Variants in RUNX2 observed in about 807,000 individuals in gnomAD.
RUNX2 encodes runt-related transcription factor 2.
In RUNX2, 10 loss-of-function variants were observed where a neutral mutation model predicts 51.7. The ratio of observed to expected loss-of-function variants is 0.19; its 90% CI spans 0.12 to 0.33. The LOEUF (loss-of-function observed/expected upper bound fraction) is 0.33, where lower values mean the gene tolerates loss of function less well. RUNX2 is among the 10% of genes least tolerant of loss of function. The pLI is 1.00. For synonymous variants in RUNX2, 276 were observed against 273.6 expected (o/e 1.01, Z -0.09); for missense variants, 562 against 691.3 (o/e 0.81, Z 2.10).
intron 7 of RUNX2, among the ~76,000 whole-genome samples, chr6:45,517,810 A>C (rs919885803): frequency 8.4e-6 from 1 of 119,022 alleles, no homozygotes; most frequent in African/African-American, 3.0e-5. Context: ...CAGTGGAAAA[A>C]CCCCACCCCA....
intron 5 of RUNX2, among the ~76,000 whole-genome samples, chr6:45,460,060 G>T (rs1799427690): frequency 6.6e-6 from 1 of 152,196 alleles, no homozygotes; most frequent in Non-Finnish European, 1.5e-5. Context: ...GTGCGTGGAA[G>T]GCACAGATCA....
chr6:45,331,901 G>A (rs950054007), intron 2 of RUNX2, among the ~76,000 whole-genome samples: 2 of 151,840 alleles, frequency 1.3e-5, no homozygotes, highest in African/African-American at 4.8e-5. Context: ...AGTTAAATTC[G>A]GTAAGATAGA....
intron 7 of RUNX2, among the ~76,000 whole-genome samples, chr6:45,540,139 G>A (rs1802171671): frequency 6.6e-6 from 1 of 152,110 alleles, no homozygotes; most frequent in Non-Finnish European, 1.5e-5. Flanking sequence ...CCATGCTTAG[G>A]AGCAGTGGGA....
chr6:45,447,186 A>G (rs1799027363), intron 5 of RUNX2, among the ~76,000 whole-genome samples: 1 of 152,236 alleles, frequency 6.6e-6, no homozygotes, highest in South Asian at 2.1e-4. Context: ...TAGAAAGTAA[A>G]CAGTGAGTGG....
At chr6:45,396,766 A>C (rs1337331234) in intron 2 of RUNX2, among the ~76,000 whole-genome samples, 2 of 152,220 alleles carry the variant, frequency 1.3e-5, no homozygotes, top group Non-Finnish European at 2.9e-5. Flanking sequence ...ATATGTGGCC[A>C]TTTGTGACTG....
chr6:45,464,116 C>A (rs557985648), intron 5 of RUNX2, among the ~76,000 whole-genome samples: 1 of 152,030 alleles, frequency 6.6e-6, no homozygotes, highest in African/African-American at 2.4e-5. Flanking sequence ...TGGCGTGAAC[C>A]CGGGAGGTGG....
intron 7 of RUNX2, among the ~76,000 whole-genome samples, chr6:45,540,294 G>A (rs1236236441): frequency 6.6e-6 from 1 of 152,134 alleles, no homozygotes; most frequent in Non-Finnish European, 1.5e-5. Flanking sequence ...CTTGTTTTAA[G>A]GCCCTGCTGC....
intron 2 of RUNX2, among the ~76,000 whole-genome samples, chr6:45,336,902 G>C (rs1788677556): frequency 6.6e-6 from 1 of 151,288 alleles, no homozygotes; most frequent in Admixed American, 6.6e-5. Context: ...CTGTTTTAAA[G>C]GAAACTTTAA....
chr6:45,388,930 A>G (rs1341068896), intron 2 of RUNX2, among the ~76,000 whole-genome samples: 1 of 152,242 alleles, frequency 6.6e-6, no homozygotes, highest in Non-Finnish European at 1.5e-5. Context: ...CCCCCTATAT[A>G]GCAATTCTCA....
At chr6:45,424,817 A>C (rs892622660) in intron 3 of RUNX2, among the ~76,000 whole-genome samples, 1 of 152,174 alleles carries the variant, frequency 6.6e-6, no homozygotes, top group Non-Finnish European at 1.5e-5. Flanking sequence ...CAGTTGGCTC[A>C]AGAAATTTTT....
intron 6 of RUNX2, among the ~76,000 whole-genome samples, chr6:45,507,909 C>A (rs2150417863): frequency 6.6e-6 from 1 of 152,296 alleles, no homozygotes; most frequent in South Asian, 2.1e-4. Flanking sequence ...TTATCAGGTT[C>A]TTTCCATATG....
chr6:45,450,371 A>G (rs1799131355), intron 5 of RUNX2, among the ~76,000 whole-genome samples: 2 of 152,200 alleles, frequency 1.3e-5, no homozygotes, highest in African/African-American at 4.8e-5. Context: ...GTGTTTTAAA[A>G]TGTAAATATT....
At chr6:45,471,802 C>T (rs989866377) in intron 5 of RUNX2, among the ~76,000 whole-genome samples, 1 of 152,128 alleles carries the variant, frequency 6.6e-6, no homozygotes, top group African/African-American at 2.4e-5. Flanking sequence ...CCATCAAAAT[C>T]GGAAGTTAGG....
intron 5 of RUNX2, among the ~76,000 whole-genome samples, chr6:45,449,038 A>G (rs561707777): frequency 6.6e-6 from 1 of 152,320 alleles, no homozygotes; most frequent in East Asian, 1.9e-4. Context: ...GTTTTCTACC[A>G]TGAAGGCTAT....
chr6:45,492,026 G>A lies in RUNX2; in HGVS notation c.771G>A (p.Met257Ile). ...TAGGGCGCATTCCTCATCCCAGTAT[G>A]AGAGTAGGTGTCCCGCCTCAGAACC... Reference protein sequence around the residue: ...SDLGRIPHPSMRVGVPPQNPR... With the variant: ...SDLGRIPHPSIRVGVPPQNPR... The change falls in exon 6 of 9, where the codon ATG (methionine) becomes ATA (isoleucine). Residue 257 changes from methionine (M) to isoleucine (I), a missense_variant. Transcript: ENST00000647337. The A allele has an allele frequency of 6.2e-7, 1 of 1,613,928 alleles. No individual in the cohort carries two copies. Among genetic ancestry groups the A allele is most frequent in the Non-Finnish European group, 8.5e-7 (1 of 1,179,922 alleles).
rs1802502512 is a variant in RUNX2 at position 45,549,499 on chromosome 6, T to A, written c.*2194T>A. ...AGTATGCTTAGATAAATAAGCCACT[T>A]TTCTATTACTTAAGTAAGAAGGAAG... On this transcript the variant is annotated 3_prime_UTR_variant, in exon 9 of 9. Transcript: ENST00000647337. 2.5e-6 allele frequency: 1 copy of A among 397,522 alleles called. No homozygotes were observed. The highest frequency in any genetic ancestry group is 4.4e-6 in the Non-Finnish European group (1 of 225,962). The allele number at this position is 397,522 out of a possible 1,614,324, so 24.6% of individuals were successfully genotyped here. A position where few individuals can be genotyped will look rare whatever the true frequency, so the allele number is the denominator to read the frequency against.
At chr6:45,521,540 A>G (rs1801508882) in intron 7 of RUNX2, among the ~76,000 whole-genome samples, 2 of 152,252 alleles carry the variant, frequency 1.3e-5, no homozygotes, top group South Asian at 4.1e-4. Context: ...CCATCATGTA[A>G]TAAAGTGTCA....
At chr6:45,347,133 C>A (rs906024529) in intron 2 of RUNX2, among the ~76,000 whole-genome samples, 2 of 151,914 alleles carry the variant, frequency 1.3e-5, no homozygotes, top group African/African-American at 4.8e-5. Flanking sequence ...GAAGCTAAGA[C>A]TAAAGAATTA....
chr6:45,517,296 C>T (rs1427120853), intron 7 of RUNX2, among the ~76,000 whole-genome samples: 1 of 152,134 alleles, frequency 6.6e-6, no homozygotes, highest in Non-Finnish European at 1.5e-5. Flanking sequence ...ATTCCCCCAT[C>T]TCAGCCTCCT....
Sources: allele counts gnomAD v4.1 joint callset (sites outside exome capture counted in the v4.1 genomes callset), GRCh38; gene constraint gnomAD v4.1.1; transcripts MANE v1.5; gene names NCBI Gene and HGNC (gene_info 2026-07-23, HGNC 2026-07-21).